Variants in PDE3B observed in about 807,000 individuals in gnomAD.
PDE3B encodes cGMP-inhibited 3',5'-cyclic phosphodiesterase 3B.
Under a neutral mutation model 116.8 loss-of-function variants are expected in PDE3B, and 66 were observed. That is an observed-to-expected ratio of 0.56 (90% CI 0.46 to 0.69). The LOEUF is 0.69. Among genes scored for constraint, PDE3B ranks in the 30% least tolerant of loss-of-function variants. The probability of loss-of-function intolerance (pLI) is 0.00; values close to 1 mark genes in which losing one functional copy is unlikely to be tolerated. For synonymous variants in PDE3B, 595 were observed against 533.6 expected (o/e 1.12, Z -1.59); for missense variants, 1,384 against 1,368.1 (o/e 1.01, Z -0.18).
At chr11:14,721,517 A>T (rs1372377899) in intron 1 of PDE3B, among the ~76,000 whole-genome samples, 1 of 151,814 alleles carries the variant, frequency 6.6e-6, no homozygotes, top group Non-Finnish European at 1.5e-5. Context: ...AAGACTTGGA[A>T]CCGACCCAAA....
chr11:14,729,786 AGT>A (rs1856405879), intron 1 of PDE3B, among the ~76,000 whole-genome samples: 1 of 152,214 alleles, frequency 6.6e-6, no homozygotes, highest in Non-Finnish European at 1.5e-5. Flanking sequence ...TATTTAATGG[AGT>A]GTTCAAATAC....
At chr11:14,759,230 CTT>C (rs1490788050) in intron 1 of PDE3B, among the ~76,000 whole-genome samples, 3 of 151,996 alleles carry the variant, frequency 2.0e-5, no homozygotes, top group African/African-American at 7.2e-5. Context: ...CTAAAATTCT[CTT>C]TTTTGGTTGT....
chr11:14,812,843 A>T (rs1411079753), intron 5 of PDE3B, among the ~76,000 whole-genome samples: 1 of 152,120 alleles, frequency 6.6e-6, no homozygotes, highest in East Asian at 1.9e-4. Context: ...CTTACACCCC[A>T]ATTCATGTGT....
intron 1 of PDE3B, among the ~76,000 whole-genome samples, chr11:14,678,742 A>G (rs1013718930): frequency 1.3e-5 from 2 of 152,110 alleles, no homozygotes; most frequent in Admixed American, 6.5e-5. Flanking sequence ...CTTTCAGAGA[A>G]CCGAAGATTT....
chr11:14,756,660 G>A (rs1329947444), intron 1 of PDE3B, among the ~76,000 whole-genome samples: 2 of 152,026 alleles, frequency 1.3e-5, no homozygotes, highest in East Asian at 3.9e-4. Flanking sequence ...GGATCTGAAG[G>A]GACAAATGGA....
chr11:14,839,255 T>G (rs1488942950), intron 11 of PDE3B, among the ~76,000 whole-genome samples: 1 of 152,194 alleles, frequency 6.6e-6, no homozygotes, highest in Non-Finnish European at 1.5e-5. Flanking sequence ...TTCCTTGATC[T>G]TTGGAAAGAG....
intron 1 of PDE3B, among the ~76,000 whole-genome samples, chr11:14,713,052 A>G (rs1270020799): frequency 1.3e-5 from 2 of 152,238 alleles, no homozygotes; most frequent in African/African-American, 2.4e-5. Context: ...AAAAAATTTG[A>G]ATACCAATTA....
the PDE3B span, among the ~76,000 whole-genome samples, chr11:14,881,045 G>A: frequency 6.6e-6 from 1 of 152,018 alleles, no homozygotes; most frequent in Non-Finnish European, 1.5e-5. Flanking sequence ...GGTGAAATAG[G>A]CCCAGGTGAC....
intron 1 of PDE3B, among the ~76,000 whole-genome samples, chr11:14,733,672 T>C (rs2133856661): frequency 6.6e-6 from 1 of 152,308 alleles, no homozygotes; most frequent in Middle Eastern, 3.4e-3. Flanking sequence ...CAGGATCATT[T>C]TGTGGGAAAT....
chr11:14,879,413 A>G, the PDE3B span: 6 of 1,605,250 alleles, frequency 3.7e-6, no homozygotes, highest in South Asian at 6.6e-5. Flanking sequence ...ATTAGGGCCC[A>G]TAATTAAATC....
chr11:14,874,922 T>A (rs1407436435), downstream of PDE3B, among the ~76,000 whole-genome samples: 2 of 152,180 alleles, frequency 1.3e-5, no homozygotes, highest in African/African-American at 2.4e-5. Flanking sequence ...TCCTCATACC[T>A]GTTTAACAGT....
intron 1 of PDE3B, among the ~76,000 whole-genome samples, chr11:14,684,137 A>G (rs1260616944): frequency 1.3e-5 from 2 of 152,214 alleles, no homozygotes; most frequent in African/African-American, 4.8e-5. Flanking sequence ...GTCAGTCTTC[A>G]GTTTTGCTAG....
intron 7 of PDE3B, among the ~76,000 whole-genome samples, chr11:14,824,887 C>T (rs1028306576): frequency 1.3e-5 from 2 of 151,976 alleles, no homozygotes; most frequent in African/African-American, 4.8e-5. Flanking sequence ...CTAGAAAGGG[C>T]AGGTCACCTA....
At chr11:14,777,858 C>T (rs2133904607) in intron 2 of PDE3B, among the ~76,000 whole-genome samples, 1 of 152,284 alleles carries the variant, frequency 6.6e-6, no homozygotes, top group African/African-American at 2.4e-5. Flanking sequence ...GGTGAGGCAT[C>T]ACCTCACCTG....
At chr11:14,707,410 A>C (rs1042098399) in intron 1 of PDE3B, among the ~76,000 whole-genome samples, 2 of 152,002 alleles carry the variant, frequency 1.3e-5, no homozygotes, top group Non-Finnish European at 2.9e-5. Context: ...CCTATCTTTC[A>C]CAGATAGCCT....
the PDE3B span, chr11:14,880,028 C>T: frequency 3.8e-6 from 4 of 1,046,158 alleles, no homozygotes; most frequent in Admixed American, 2.4e-5. Flanking sequence ...ACTTGGCTGG[C>T]ATCGCAGGAG....
intron 1 of PDE3B, among the ~76,000 whole-genome samples, chr11:14,742,321 A>G (rs773225096): frequency 9.2e-5 from 14 of 151,828 alleles, no homozygotes; most frequent in South Asian, 2.1e-4. Flanking sequence ...TTCTTGCTTT[A>G]TTTCATCAAG....
chr11:14,791,879 T>C (rs1225132717), intron 4 of PDE3B, among the ~76,000 whole-genome samples: 1 of 152,186 alleles, frequency 6.6e-6, no homozygotes, highest in Non-Finnish European at 1.5e-5. Flanking sequence ...TCATGTACTT[T>C]AAATCACCTC....
chr11:14,673,517 A>C, intron 1 of PDE3B: 1 of 381,800 alleles, frequency 2.6e-6, no homozygotes, highest in East Asian at 6.2e-5. Context: ...TCGTTTGTAC[A>C]AGAGATAGAC....
Sources: gnomAD v4.1 joint callset for allele counts (sites outside exome capture counted in the v4.1 genomes callset) on GRCh38, gnomAD v4.1.1 for gene constraint, MANE v1.5 for transcripts, NCBI Gene and HGNC (gene_info 2026-07-23, HGNC 2026-07-21) for gene names.